Variants in REV3L observed in about 807,000 individuals in gnomAD.
REV3L encodes the protein REV3 like, DNA directed polymerase zeta catalytic subunit.
In REV3L, 69 loss-of-function variants were observed where a neutral mutation model predicts 299.4. The ratio of observed to expected loss-of-function variants is 0.23; its 90% confidence interval spans 0.19 to 0.28. The LOEUF (loss-of-function observed/expected upper bound fraction) is 0.28, where lower values mean the gene tolerates loss of function less well. REV3L is among the 10% of genes least tolerant of loss of function. The pLI is 1.00. For missense variants in REV3L, 3,128 were observed against 3,693.8 expected, an observed-to-expected ratio of 0.85 and a Z score of 3.97; for synonymous variants, 1,238 against 1,271.4, an observed-to-expected ratio of 0.97 and a Z score of 0.56.
rs571957889 is a variant in REV3L, at chr6:111,439,811, G to A, written c.140-23339C>T. 6.6e-5 allele frequency among the ~76,000 whole-genome samples: 10 copies of A among 152,134 alleles called. No individual in the cohort carries two copies. The East Asian group carries it at 9.7e-4, about 15-fold the overall frequency. ...ACCAATACATCTGAAAAGTATGCTC[G>A]GCAAATCAATGAGATGCACCGAAAA... On this transcript the variant is annotated intron_variant, in intron 1 of 31. Transcript: ENST00000368802.
At chr6:111,417,868 G>A (rs945484576) in intron 1 of REV3L, among the ~76,000 whole-genome samples, 6 of 152,090 alleles carry the variant, frequency 3.9e-5, no homozygotes, top group South Asian at 4.1e-4. Flanking sequence ...ACCAACTGTC[G>A]TGCTTTTGAA....
intron 1 of REV3L, among the ~76,000 whole-genome samples, chr6:111,458,270 T>G (rs767487677): frequency 6.6e-6 from 1 of 151,828 alleles, no homozygotes; most frequent in Non-Finnish European, 1.5e-5. Flanking sequence ...CTCAATAAAC[T>G]AGGTATCAAA....
chr6:111,411,533 C>T lies in REV3L; in HGVS notation c.351G>A (p.Glu117=), dbSNP rs775605080. 1 of 1,581,674 alleles carries T rather than the reference C, an allele frequency of 6.3e-7. No homozygotes were observed. Among genetic ancestry groups the T allele is most frequent in the South Asian group, 1.1e-5 (1 of 87,322 alleles). The part of the protein sequence containing the change: ...VSGMPFYGYH[E]KERHFMKIYL... ...AGATCTTCATAAAGTGTCTTTCCTT[C>T]TCATGATAACCATAAAAAGGCCTGA... Residue 117 remains glutamate, a synonymous_variant, in exon 3 of 32, where the codon GAG becomes GAA. Coordinates refer to ENST00000368802, the MANE Select transcript of REV3L (RefSeq NM_001372078.1).
intron 23 of REV3L, 137 bp downstream of exon 23, chr6:111,332,986 T>C: frequency 1.0e-6 from 1 of 964,132 alleles, no homozygotes; most frequent in Non-Finnish European, 1.5e-6. Context: ...CTATAATGAA[T>C]GGATTAGCTG....
Position 111,376,035 on chromosome 6 carries a change from TTTTAAG to T in REV3L, c.2314_2319del (p.Leu772_Lys773del), listed in dbSNP as rs781439540. 5.0e-6 allele frequency: 8 copies of T among 1,613,886 alleles called. No individual in the cohort carries two copies. Among genetic ancestry groups the T allele is most frequent in the Admixed American group, 1.7e-5 (1 of 60,002 alleles). ...TGTTCTTGAAATTCTTCATACCTAA[TTTTAAG>T]TTTATTTAGTCCACTTTCATCAGCA... On this transcript the variant is annotated inframe_deletion, in exon 13 of 32. Transcript: ENST00000368802.
chr6:111,433,996 T>C (rs530161514), intron 1 of REV3L, among the ~76,000 whole-genome samples: 1 of 152,244 alleles, frequency 6.6e-6, no homozygotes, highest in East Asian at 1.9e-4. Context: ...TAAATAAAAT[T>C]CAACATCACT....
intron 1 of REV3L, among the ~76,000 whole-genome samples, chr6:111,439,748 C>T (rs2128306809): frequency 6.6e-6 from 1 of 152,176 alleles, no homozygotes; most frequent in Non-Finnish European, 1.5e-5. Flanking sequence ...GGTCTGCTGC[C>T]CGTTTGACCC....
intron 2 of REV3L, among the ~76,000 whole-genome samples, 199 bp from the exon 3 acceptor site, chr6:111,411,753 A>C (rs1049816873): frequency 3.4e-4 from 52 of 152,208 alleles, no homozygotes; most frequent in African/African-American, 1.2e-3. Flanking sequence ...AAGCTTTTTT[A>C]AAAAGTGTAA....
Position 111,322,695 on chromosome 6 carries a change from A to AT in REV3L, c.8242-18dup, listed in dbSNP as rs762278711. The AT allele has an allele frequency of 1.3e-6, 2 of 1,579,632 alleles. No homozygotes were observed. Among genetic ancestry groups the AT allele is most frequent in the East Asian group, 4.5e-5 (2 of 44,700 alleles). On this transcript the variant is annotated splice_polypyrimidine_tract_variant and intron_variant, in intron 25 of 31. Coordinates refer to ENST00000368802, the MANE Select transcript of REV3L (RefSeq NM_001372078.1). The stretch of plus-strand genomic sequence containing the variant: ...ATCGCCAACCTGTTGGTACAAACAC[A>AT]TTGGAAATAATTTCTTAACATAGCT...
At position 111,482,782 on chromosome 6, in the gene REV3L, G is replaced by A; in HGVS notation, c.107C>T (p.Pro36Leu). Residue 36 changes from proline to leucine, a missense_variant, in exon 1 of 32, where the codon CCG becomes CTG. Transcript: ENST00000368802. Reference sequence around the variant, plus strand: ...GGTCGCTCCGAAGACTCGCACCACCGGCACCTTCTTGACAGGGGCCTGGGT... The same window carrying A: ...GGTCGCTCCGAAGACTCGCACCACCAGCACCTTCTTGACAGGGGCCTGGGT... ...PLTQAPVKKV[P>L]VVRVFGATPA... 1.3e-6 allele frequency: 2 copies of A among 1,482,286 alleles called. No homozygotes were observed. Among genetic ancestry groups the A allele is most frequent in the Non-Finnish European group, 1.8e-6 (2 of 1,114,700 alleles). The allele number at this position is 1,482,286 out of a possible 1,614,324, so 91.8% of individuals were successfully genotyped here. A position where few individuals can be genotyped will look rare whatever the true frequency, so the allele number is the denominator to read the frequency against.
chr6:111,453,752 G>A (rs1583049734), intron 1 of REV3L, among the ~76,000 whole-genome samples: 1 of 152,264 alleles, frequency 6.6e-6, no homozygotes, highest in Non-Finnish European at 1.5e-5. Context: ...GGGAGGCTGA[G>A]GCGGGTAGAT....
Position 111,344,039 on chromosome 6 carries a change from G to A in REV3L, c.7424C>T (p.Ala2475Val), listed in dbSNP as rs1296871546. 4 of 1,592,248 alleles carry A rather than the reference G, an allele frequency of 2.5e-6. No homozygotes were observed. The highest frequency in any genetic ancestry group is 2.2e-5 in the East Asian group (1 of 44,682). The change falls in exon 21 of 32, where the codon GCT becomes GTT. Residue 2475 changes from alanine to valine, a missense_variant. Transcript: ENST00000368802. ...NLWRIMRNEV[A>V]LTNYTFENVS... ...ATTTTCAAAGGTGTAGTTAGTTAGA[G>A]CCACCTAAAAAAAAAGGCAAGACAC...
At chr6:111,392,101 A>T (rs1324536488) in intron 5 of REV3L, among the ~76,000 whole-genome samples, 1 of 152,254 alleles carries the variant, frequency 6.6e-6, no homozygotes, top group African/African-American at 2.4e-5. Context: ...AAAGTTTTAT[A>T]ATTTGAAATA....
intron 2 of REV3L, chr6:111,411,824 T>C (rs1476138174): frequency 8.5e-6 from 2 of 235,568 alleles, no homozygotes; most frequent in Non-Finnish European, 1.4e-5. Flanking sequence ...CTGAAAAAAC[T>C]ATGGACAAAA....
intron 1 of REV3L, among the ~76,000 whole-genome samples, chr6:111,418,561 T>G (rs1193247196): frequency 4.6e-5 from 7 of 152,204 alleles, no homozygotes; most frequent in African/African-American, 1.7e-4. Flanking sequence ...GCTTTACCTA[T>G]GTATTTCTAA....
intron 9 of REV3L, 49 bp downstream of exon 9, chr6:111,387,716 C>G: frequency 6.5e-7 from 1 of 1,528,732 alleles, no homozygotes; most frequent in Non-Finnish European, 9.0e-7. Flanking sequence ...CATCTCAGTG[C>G]TAGATATCTG....
chr6:111,318,588 T>G (rs1277646042), intron 26 of REV3L, among the ~76,000 whole-genome samples: 2 of 152,148 alleles, frequency 1.3e-5, no homozygotes, highest in Non-Finnish European at 2.9e-5. Context: ...GTTTGTTTTT[T>G]GAGATGGAGT....
In REV3L at chr6:111,307,397, G is replaced by C. The variant is rs761997688; in HGVS notation, c.9216C>G (p.Ile3072Met). The C allele has an allele frequency of 2.5e-6, 4 of 1,614,094 alleles. No individual in the cohort carries two copies. The South Asian group carries it at 4.4e-5, about 18-fold the overall frequency. Residue 3072 changes from isoleucine (I) to methionine (M), a missense_variant, in exon 31 of 32, where the codon ATC becomes ATG. Physicochemically the swap from Ile to Met is conservative, Grantham distance 10 (BLOSUM62 1). Coordinates refer to ENST00000368802, the MANE Select transcript of REV3L (RefSeq NM_001372078.1). ...GCTCCTGTTGACGTTCCAACTCCCGGATTTCTTGGTTGAGGATGACTGCAA... is the reference window on the plus strand; with the variant it reads ...GCTCCTGTTGACGTTCCAACTCCCGCATTTCTTGGTTGAGGATGACTGCAA... ...QHVAVILNQE[I>M]RELERQQEQL...
Position 111,453,280 on chromosome 6 carries a change from C to T in REV3L, c.139+29470G>A, listed in dbSNP as rs180829280. 2.0e-5 allele frequency among the ~76,000 whole-genome samples: 3 copies of T among 152,194 alleles called. No homozygotes were observed. The East Asian group carries it at 5.8e-4, about 29-fold the overall frequency. ...TTGCAAATTTAGTCTCACAGAATGA[C>T]TTTATTAGAAGTTCTAATGTACACG... On this transcript the variant is annotated intron_variant, in intron 1 of 31. Coordinates refer to ENST00000368802, the MANE Select transcript of REV3L (RefSeq NM_001372078.1).
Sources: allele counts gnomAD v4.1 joint callset (sites outside exome capture counted in the v4.1 genomes callset), GRCh38; gene constraint gnomAD v4.1.1; transcripts MANE v1.5; gene names NCBI Gene and HGNC (gene_info 2026-07-23, HGNC 2026-07-21).